PTPRN2: variants seen among roughly 807,000 people sequenced by gnomAD.
The protein encoded by PTPRN2 is protein tyrosine phosphatase receptor type N2.
In PTPRN2, 74 loss-of-function variants were observed where a neutral mutation model predicts 118.8. The observed-to-expected ratio is 0.62, with a 90% CI of 0.52 to 0.76. PTPRN2 has a LOEUF of 0.76. Ranked by LOEUF, PTPRN2 falls within the 30% of genes least tolerant of loss-of-function variation. The pLI is 0.00. For missense variants in PTPRN2, 1,481 were observed against 1,394.4 expected (o/e 1.06, Z -0.99); for synonymous variants, 641 against 608.0 (o/e 1.05, Z -0.80).
intron 12 of PTPRN2, among the ~76,000 whole-genome samples, chr7:157,882,850 A>G (rs1216765088): frequency 6.8e-6 from 1 of 146,448 alleles, no homozygotes; most frequent in African/African-American, 2.6e-5. Context: ...AAAACATGCC[A>G]CCCCCAAAAT....
intron 12 of PTPRN2, among the ~76,000 whole-genome samples, chr7:157,699,849 T>C (rs948470434): frequency 1.3e-5 from 2 of 152,192 alleles, no homozygotes; most frequent in African/African-American, 4.8e-5. Context: ...GCCAACTGCA[T>C]GGAGCCGCCG....
rs114613579 is a variant in PTPRN2 at position 157,618,929 on chromosome 7, C to T, written c.2344+2433G>A. ...AGGCAGCTTCTTTCTGGCTCCAGTG[C>T]GAGTCTCGGGAGGGAGGTGCTTTCC... On this transcript the variant is annotated intron_variant, in intron 15 of 22. Transcript: ENST00000389418. The surrounding 1 kb of genome is among the most constrained non-coding windows in gnomAD (Gnocchi z 4.2). Among the ~76,000 whole-genome samples, 218 of 152,152 alleles carry T rather than the reference C, an allele frequency of 1.4e-3. No homozygotes were observed. Among genetic ancestry groups the T allele is most frequent in the African/African-American group, 4.5e-3 (185 of 41,524 alleles).
chr7:157,954,832 T>A (rs1801083740), intron 11 of PTPRN2, among the ~76,000 whole-genome samples: 1 of 152,162 alleles, frequency 6.6e-6, no homozygotes, highest in Non-Finnish European at 1.5e-5. Context: ...TCAGGTGAGG[T>A]GTTTAAGTAT....
intron 5 of PTPRN2, among the ~76,000 whole-genome samples, chr7:158,171,274 TACACAC>T (rs1823614308): frequency 1.3e-5 from 1 of 78,310 alleles, no homozygotes; most frequent in African/African-American, 5.6e-5. Context: ...CACACATATA[TACACAC>T]ATATATATAC....
rs550819811 is a variant in PTPRN2 at position 157,603,847 on chromosome 7, T to C, written c.2418+155A>G. ...CCCCGCTGGTGAAGGAACAGGGGAG[T>C]GGCGGGAGCCCAATGGGCAGAGTCG... is the stretch of plus-strand genomic sequence containing the variant. On this transcript the variant is annotated intron_variant, in intron 16 of 22. Transcript: ENST00000389418. This position sits in a 1 kb window ranked among gnomAD's most constrained non-coding sequence, Gnocchi z 5.4. Among the ~76,000 whole-genome samples, 46 of 151,290 alleles carry C rather than the reference T, an allele frequency of 3.0e-4. 1 individual carries two copies. Among genetic ancestry groups the C allele is most frequent in the Admixed American group, 2.8e-3 (42 of 15,254 alleles).
At chr7:158,177,209 C>G (rs2335836) in intron 5 of PTPRN2, among the ~76,000 whole-genome samples, 95,177 of 151,998 alleles carry the variant, frequency 0.63, 30,925 homozygotes, top group East Asian at 0.85. Flanking sequence ...TTGCATTCCC[C>G]CTAATTTGAG....
chr7:158,521,844 G>A (rs112964991), intron 1 of PTPRN2, among the ~76,000 whole-genome samples: 688 of 23,986 alleles, frequency 0.029, 7 homozygotes, highest in Non-Finnish European at 0.032. Context: ...TGGACTGTCC[G>A]GGTAGTGGCT....
intron 14 of PTPRN2, among the ~76,000 whole-genome samples, chr7:157,640,142 G>A (rs912415273): frequency 2.0e-5 from 3 of 152,296 alleles, no homozygotes; most frequent in African/African-American, 7.2e-5. Flanking sequence ...CTTAATAAAC[G>A]TGTTAGAAAC....
intron 10 of PTPRN2, among the ~76,000 whole-genome samples, chr7:158,108,052 A>G (rs1307123785): frequency 2.0e-5 from 3 of 150,314 alleles, no homozygotes; most frequent in African/African-American, 7.4e-5. Flanking sequence ...GCATCTCAGC[A>G]TAGCCCCTTC....
chr7:158,386,420 C>T (rs1231726130), intron 2 of PTPRN2, among the ~76,000 whole-genome samples: 3 of 151,570 alleles, frequency 2.0e-5, no homozygotes, highest in Non-Finnish European at 4.4e-5. Flanking sequence ...AGTCCCTCCT[C>T]CCATGCCCCG....
At position 158,166,377 on chromosome 7, in the gene PTPRN2, C is replaced by A. The variant is rs80054412; in HGVS notation, c.910+554G>T. On this transcript the variant is annotated intron_variant, in intron 6 of 22. Transcript: ENST00000389418. ...CCTCCTCCCACTGGCCGCCGCGTTC[C>A]CTGTCCTCACACCCTCAGGATCATC... 2.5e-3 allele frequency among the ~76,000 whole-genome samples: 72 copies of A among 28,990 alleles called. 2 individuals carry two copies. The highest frequency in any genetic ancestry group is 6.0e-3 in the East Asian group (3 of 498). The allele number at this position is 28,990 out of a possible 152,430, so 19.0% of individuals were successfully genotyped here.
At chr7:157,687,839 A>G (rs1255364056) in intron 12 of PTPRN2, among the ~76,000 whole-genome samples, 2 of 152,238 alleles carry the variant, frequency 1.3e-5, no homozygotes, top group Non-Finnish European at 2.9e-5. Context: ...AAATATTTTA[A>G]AAGTATTTTT....
chr7:157,992,383 C>G (rs1254205109), intron 11 of PTPRN2, among the ~76,000 whole-genome samples: 1 of 152,182 alleles, frequency 6.6e-6, no homozygotes, highest in African/African-American at 2.4e-5. Flanking sequence ...CCACGGAGTC[C>G]CTTGCAGCCT....
At chr7:158,489,081 C>T (rs986467705) in intron 2 of PTPRN2, among the ~76,000 whole-genome samples, 45 of 152,254 alleles carry the variant, frequency 3.0e-4, no homozygotes, top group African/African-American at 1.0e-3. Flanking sequence ...GCTTTCAGCC[C>T]AACCTGAAAA....
At chr7:157,887,477 C>CCGCTCCCCCAGTACCCGCTCCCCCAG (rs1796526704) in intron 12 of PTPRN2, among the ~76,000 whole-genome samples, 1 of 87,932 alleles carries the variant, frequency 1.1e-5, no homozygotes, top group African/African-American at 4.4e-5. Flanking sequence ...CCCCCATTAC[C>CCGCTCCCCCAGTACCCGCTCCCCCAG]TGCTGCTGCC....
Position 158,337,503 on chromosome 7 carries a change from G to C in PTPRN2, c.164-20571C>G, listed in dbSNP as rs76318167. Among the ~76,000 whole-genome samples, 3 of 19,850 alleles carry C rather than the reference G, an allele frequency of 1.5e-4. No homozygotes were observed. The East Asian group carries it at 3.8e-3, about 25-fold the overall frequency. The allele number at this position is 19,850 out of a possible 152,430, so 13.0% of individuals were successfully genotyped here. On this transcript the variant is annotated intron_variant, in intron 2 of 22. Transcript: ENST00000389418. Reference sequence around the variant, plus strand: ...GAGGTGACACCTGCAGACGTCACTCGCACCCACACTCTCACCATAAGAGGT... The same window carrying C: ...GAGGTGACACCTGCAGACGTCACTCCCACCCACACTCTCACCATAAGAGGT...
intron 2 of PTPRN2, among the ~76,000 whole-genome samples, chr7:158,337,138 G>T (rs1485196154): frequency 7.3e-6 from 1 of 136,762 alleles, no homozygotes; most frequent in Non-Finnish European, 1.6e-5. Flanking sequence ...GTCACTTACA[G>T]CCATACTCTC....
chr7:157,562,828 C>T lies in PTPRN2; in HGVS notation c.2902+6074G>A, dbSNP rs115095653. ...CAGCAGATCAGGACCACGTGCTCCA[C>T]GTCACCACACGCAGCAGATCAGGAC... is the stretch of plus-strand genomic sequence containing the variant. On this transcript the variant is annotated intron_variant, in intron 21 of 22. Coordinates refer to ENST00000389418, the MANE Select transcript of PTPRN2 (RefSeq NM_002847.5). Among the ~76,000 whole-genome samples, 779 of 136,826 alleles carry T rather than the reference C, an allele frequency of 5.7e-3. 16 individuals carry two copies. The highest frequency in any genetic ancestry group is 0.02 in the African/African-American group (731 of 35,746). The allele number at this position is 136,826 out of a possible 152,430, so 89.8% of individuals were successfully genotyped here. A position where few individuals can be genotyped will look rare whatever the true frequency, so the allele number is the denominator to read the frequency against.
intron 10 of PTPRN2, among the ~76,000 whole-genome samples, chr7:158,090,649 GT>G: frequency 6.6e-6 from 1 of 152,156 alleles, no homozygotes; most frequent in South Asian, 2.1e-4. Flanking sequence ...TTTATTGCTT[GT>G]GTTCTAGGAT....
Sources: allele counts gnomAD v4.1 joint callset (sites outside exome capture counted in the v4.1 genomes callset), GRCh38; gene constraint gnomAD v4.1.1; non-coding constraint Gnocchi (gnomAD v3.1); transcripts MANE v1.5; gene names NCBI Gene and HGNC (gene_info 2026-07-23, HGNC 2026-07-21).